The following FTO variants were observed in gnomAD, a reference collection of about 807,000 sequenced individuals.
FTO encodes the protein alpha-ketoglutarate-dependent dioxygenase FTO.
Under a neutral mutation model 63.9 loss-of-function variants are expected in FTO, and 47 were observed. The observed-to-expected ratio is 0.74, with a 90% CI of 0.58 to 0.94. FTO has a LOEUF of 0.94. Among genes scored for constraint, FTO ranks in the 40% least tolerant of loss-of-function variants. FTO has a pLI of 0.00. For missense variants in FTO, 562 were observed against 618.1 expected, an observed-to-expected ratio of 0.91 and a Z score of 0.96; for synonymous variants, 207 against 224.4, an observed-to-expected ratio of 0.92 and a Z score of 0.69.
chr16:53,704,244 C>T lies in FTO; in HGVS notation c.45+15C>T. Reference sequence around the variant, plus strand: ...GCGAAGCTAAGGTATGTCGGGCTCCCGGGGCCTGGAGATCTTCGTGCGCTG... The same window carrying T: ...GCGAAGCTAAGGTATGTCGGGCTCCTGGGGCCTGGAGATCTTCGTGCGCTG... On this transcript the variant is annotated intron_variant, in intron 1 of 8. Coordinates refer to ENST00000471389, the MANE Select transcript of FTO (RefSeq NM_001080432.3). 6.4e-7 allele frequency: 1 copy of T among 1,551,276 alleles called. No individual in the cohort carries two copies. Among genetic ancestry groups the T allele is most frequent in the Non-Finnish European group, 8.7e-7 (1 of 1,146,680 alleles).
At chr16:54,011,111 G>A (rs2084325128) in intron 8 of FTO, among the ~76,000 whole-genome samples, 1 of 152,180 alleles carries the variant, frequency 6.6e-6, no homozygotes, top group South Asian at 2.1e-4. Flanking sequence ...CCATATTTGG[G>A]AGGGATGACA....
chr16:53,998,966 T>C (rs1254293431), intron 8 of FTO, among the ~76,000 whole-genome samples: 1 of 152,162 alleles, frequency 6.6e-6, no homozygotes, highest in Non-Finnish European at 1.5e-5. Flanking sequence ...GTGGATTATG[T>C]TAAGAAAGTA....
intron 8 of FTO, among the ~76,000 whole-genome samples, chr16:53,962,503 G>A (rs2083104906): frequency 6.6e-6 from 1 of 152,166 alleles, no homozygotes; most frequent in Admixed American, 6.5e-5. Flanking sequence ...AATGTGAGAG[G>A]CCTGAACGTC....
intron 8 of FTO, among the ~76,000 whole-genome samples, chr16:53,942,273 A>G (rs372589186): frequency 2.0e-5 from 3 of 152,284 alleles, no homozygotes; most frequent in Non-Finnish European, 4.4e-5. Flanking sequence ...AAGCCCCAAC[A>G]TGGTACCACA....
intron 7 of FTO, among the ~76,000 whole-genome samples, chr16:53,902,375 A>G (rs946496991): frequency 2.6e-5 from 4 of 152,170 alleles, no homozygotes; most frequent in Non-Finnish European, 4.4e-5. Flanking sequence ...GCATAGAGCC[A>G]GATAATATAG....
intron 3 of FTO, among the ~76,000 whole-genome samples, chr16:53,843,267 G>A (rs114180241): frequency 4.1e-4 from 62 of 152,278 alleles, no homozygotes; most frequent in African/African-American, 1.4e-3. Flanking sequence ...TTCTATAAGA[G>A]TCAAAGAGCT....
At chr16:53,967,482 C>T (rs558623869) in intron 8 of FTO, among the ~76,000 whole-genome samples, 1 of 152,306 alleles carries the variant, frequency 6.6e-6, no homozygotes, top group South Asian at 2.1e-4. Flanking sequence ...TATTTCCTTT[C>T]ATTTATAATC....
In FTO at chr16:53,903,442, A is replaced by G. The variant is rs571145611; in HGVS notation, c.1239+14491A>G. Among the ~76,000 whole-genome samples the G allele has an allele frequency of 1.8e-4, 28 of 152,232 alleles. No individual in the cohort carries two copies. The South Asian group carries it at 2.7e-3, about 15-fold the overall frequency. On this transcript the variant is annotated intron_variant, in intron 7 of 8. Coordinates refer to ENST00000471389, the MANE Select transcript of FTO (RefSeq NM_001080432.3). ...CCAAGCTAATTTTTGTATTTTTAGTAGAGACAGGGTTTTGTTATGTTGGCT... is the reference window on the plus strand; with the variant it reads ...CCAAGCTAATTTTTGTATTTTTAGTGGAGACAGGGTTTTGTTATGTTGGCT...
At chr16:54,051,525 G>A (rs148499431) in intron 8 of FTO, among the ~76,000 whole-genome samples, 305 of 152,224 alleles carry the variant, frequency 2.0e-3, no homozygotes, top group African/African-American at 6.5e-3. Flanking sequence ...CAGGTGATAG[G>A]TAGTCTTCAA....
chr16:53,753,075 A>G (rs910438053), intron 1 of FTO, among the ~76,000 whole-genome samples: 1 of 151,992 alleles, frequency 6.6e-6, no homozygotes, highest in Non-Finnish European at 1.5e-5. Flanking sequence ...AGCCTGGGCA[A>G]CATGGTGAAA....
intron 8 of FTO, among the ~76,000 whole-genome samples, chr16:54,010,143 A>G (rs1187095760): frequency 2.0e-5 from 3 of 152,120 alleles, no homozygotes; most frequent in East Asian, 1.9e-4. Flanking sequence ...GCTGGGCACC[A>G]TGGCTCACGA....
At chr16:54,100,505 A>G (rs1469445225) in intron 8 of FTO, among the ~76,000 whole-genome samples, 3 of 152,056 alleles carry the variant, frequency 2.0e-5, no homozygotes, top group Non-Finnish European at 4.4e-5. Flanking sequence ...GCTGCCCGCC[A>G]TCATGGCTGA....
At chr16:53,770,000 T>G (rs948674278) in intron 1 of FTO, among the ~76,000 whole-genome samples, 2 of 152,090 alleles carry the variant, frequency 1.3e-5, no homozygotes, top group Admixed American at 1.3e-4. Context: ...TCTGTTCACA[T>G]TCCATTGGCC....
chr16:53,785,768 G>T (rs1319393034), intron 1 of FTO, among the ~76,000 whole-genome samples: 1 of 151,994 alleles, frequency 6.6e-6, no homozygotes, highest in East Asian at 1.9e-4. Flanking sequence ...AAATTAGCTG[G>T]GCGTGGTGAC....
chr16:53,787,389 A>C (rs2077777889), intron 1 of FTO, among the ~76,000 whole-genome samples: 1 of 151,496 alleles, frequency 6.6e-6, no homozygotes, highest in Non-Finnish European at 1.5e-5. Flanking sequence ...TAGTCATAAC[A>C]CCACCCTGGA....
At position 53,879,896 on chromosome 16, in the gene FTO, A is replaced by G; in HGVS notation, c.1028A>G (p.Gln343Arg). 1 of 1,613,968 alleles carries G rather than the reference A, an allele frequency of 6.2e-7. No homozygotes were observed. ...YILQRCQLAL[Q>R]NVCDDVDNDD... ...TTACAACGCTGTCAGTTGGCTCTGC[A>G]GAATGTCTGTGACGATGTGGACAAT... The change falls in exon 6 of 9, where the codon CAG becomes CGG. Residue 343 changes from glutamine to arginine, a missense_variant. Physicochemically the swap from Gln to Arg is conservative, Grantham distance 43. Transcript: ENST00000471389.
intron 1 of FTO, among the ~76,000 whole-genome samples, chr16:53,775,319 C>T (rs902936626): frequency 4.6e-5 from 7 of 152,126 alleles, no homozygotes; most frequent in South Asian, 2.1e-4. Context: ...TTCCTAGTCA[C>T]GTGTCTTGGT....
At chr16:53,749,903 A>G (rs962803787) in intron 1 of FTO, among the ~76,000 whole-genome samples, 4 of 152,182 alleles carry the variant, frequency 2.6e-5, no homozygotes. Context: ...TGAGATGACC[A>G]TCTGGTTTTT....
At chr16:53,898,683 G>A (rs1259265814) in intron 7 of FTO, among the ~76,000 whole-genome samples, 1 of 152,088 alleles carries the variant, frequency 6.6e-6, no homozygotes, top group Non-Finnish European at 1.5e-5. Flanking sequence ...GATCAGTGTG[G>A]CCTTAAATCT....
Sources: gnomAD v4.1 joint callset for allele counts (sites outside exome capture counted in the v4.1 genomes callset) on GRCh38, gnomAD v4.1.1 for gene constraint, MANE v1.5 for transcripts, NCBI Gene and HGNC (gene_info 2026-07-23, HGNC 2026-07-21) for gene names.